Variants in CAP2 observed in about 807,000 individuals in gnomAD.
The protein encoded by CAP2 is cyclase associated actin cytoskeleton regulatory protein 2, also known as adenylyl cyclase-associated protein 2.
In CAP2, 24 loss-of-function variants were observed where a neutral mutation model predicts 57.7. That is an observed-to-expected ratio of 0.42 (90% CI 0.30 to 0.58). The LOEUF is 0.58. CAP2 is among the 20% of genes least tolerant of loss of function. The pLI is 0.22. For missense variants in CAP2, 501 were observed against 590.3 expected, an observed-to-expected ratio of 0.85 and a Z score of 1.57; for synonymous variants, 194 against 207.2, an observed-to-expected ratio of 0.94 and a Z score of 0.55.
At chr6:17,399,435 T>C (rs1053698519) in intron 1 of CAP2, among the ~76,000 whole-genome samples, 2 of 152,226 alleles carry the variant, frequency 1.3e-5, no homozygotes, top group African/African-American at 4.8e-5. Flanking sequence ...TTTCCCACTT[T>C]AGGAAAATAA....
intron 4 of CAP2, among the ~76,000 whole-genome samples, chr6:17,480,809 T>C (rs1761270092): frequency 6.6e-6 from 1 of 150,568 alleles, no homozygotes; most frequent in African/African-American, 2.4e-5. Context: ...GAGTTTGCTC[T>C]TTTTGCCCAG....
chr6:17,492,882 G>A (rs185391599), intron 4 of CAP2, among the ~76,000 whole-genome samples: 1 of 151,916 alleles, frequency 6.6e-6, no homozygotes, highest in Non-Finnish European at 1.5e-5. Context: ...CTTATGTATC[G>A]CAAGTCCCTA....
chr6:17,517,412 A>G (rs1762295956), intron 7 of CAP2, among the ~76,000 whole-genome samples: 1 of 152,252 alleles, frequency 6.6e-6, no homozygotes, highest in South Asian at 2.1e-4. Flanking sequence ...TTACAGAAAA[A>G]TATAAATGTA....
chr6:17,475,772 G>C (rs187033867), intron 4 of CAP2, among the ~76,000 whole-genome samples: 17 of 152,352 alleles, frequency 1.1e-4, no homozygotes, highest in African/African-American at 3.4e-4. Flanking sequence ...GTGGAAAACG[G>C]TACTTTCTTC....
chr6:17,507,342 C>T, intron 5 of CAP2, 30 bp downstream of exon 5: 1 of 1,610,782 alleles, frequency 6.2e-7, no homozygotes, highest in South Asian at 1.1e-5. Context: ...TGCCTCTTCA[C>T]CTCATCACAC....
rs143029298 is a variant in CAP2 at position 17,402,746 on chromosome 6, G to A, written c.-2+9000G>A. The stretch of plus-strand genomic sequence containing the variant: ...GACTTCTACAGCATAAAGTTTATTT[G>A]CATGTCTGTATGACTTGCTTTACTA... On this transcript the variant is annotated intron_variant, in intron 1 of 12. Transcript: ENST00000229922. 5.3e-5 allele frequency among the ~76,000 whole-genome samples: 8 copies of A among 152,264 alleles called. No homozygotes were observed. In the East Asian group the frequency reaches 1.3e-3, roughly 26 times the overall value.
chr6:17,547,207 T>C (rs1763067315), intron 11 of CAP2, among the ~76,000 whole-genome samples: 1 of 152,208 alleles, frequency 6.6e-6, no homozygotes, highest in Non-Finnish European at 1.5e-5. Flanking sequence ...TTATTGTACT[T>C]TATTAGGAGA....
chr6:17,547,557 A>G (rs4712301), intron 11 of CAP2, among the ~76,000 whole-genome samples: 44,816 of 152,146 alleles, frequency 0.29, 7,831 homozygotes, highest in Non-Finnish European at 0.38. Context: ...GAAAGTTCTA[A>G]CTGACCGGGC....
At chr6:17,462,936 A>C in intron 3 of CAP2, 60 bp from the exon 4 acceptor site, 1 of 1,333,802 alleles carries the variant, frequency 7.5e-7, no homozygotes, top group Non-Finnish European at 1.1e-6. Flanking sequence ...TTGCCAGATT[A>C]TATGGTAACA....
In CAP2 at chr6:17,463,192, G is replaced by C. The variant is rs1260971583; in HGVS notation, c.300+119G>C. 3 of 682,678 alleles carry C rather than the reference G, an allele frequency of 4.4e-6. No homozygotes were observed. In the East Asian group the frequency reaches 8.2e-5, roughly 19 times the overall value. 42.3% of individuals were successfully genotyped at this position (682,678 alleles called of 1,614,324 possible). On this transcript the variant is annotated intron_variant, in intron 4 of 12. Coordinates refer to ENST00000229922, the MANE Select transcript of CAP2 (RefSeq NM_006366.3). ...CTCCTAAAAATGAGACTTACAGCAC[G>C]TGTATGTTCTGTCTCTAATCTGGAT... is the stretch of plus-strand genomic sequence containing the variant.
intron 4 of CAP2, among the ~76,000 whole-genome samples, chr6:17,483,239 T>TA (rs1381659680): frequency 6.6e-6 from 1 of 152,274 alleles, no homozygotes; most frequent in African/African-American, 2.4e-5. Flanking sequence ...TCTAAAATCT[T>TA]ACAGATAACA....
intron 7 of CAP2, chr6:17,531,784 A>G (rs563404561): frequency 7.0e-6 from 4 of 574,954 alleles, no homozygotes; most frequent in African/African-American, 3.7e-5. Flanking sequence ...TCCTTTTAGG[A>G]TAAAGATACC....
At chr6:17,428,691 G>A (rs927922956) in intron 3 of CAP2, among the ~76,000 whole-genome samples, 1 of 151,498 alleles carries the variant, frequency 6.6e-6, no homozygotes, top group Non-Finnish European at 1.5e-5. Context: ...GAGTTAGTGG[G>A]TGCAGCGCAC....
intron 1 of CAP2, among the ~76,000 whole-genome samples, chr6:17,400,597 C>T (rs987563560): frequency 1.3e-5 from 2 of 152,096 alleles, no homozygotes; most frequent in African/African-American, 4.8e-5. Context: ...GGCACAGTGG[C>T]TCATGCCTCT....
In CAP2 at chr6:17,438,734, C is replaced by T. The variant is rs1292667926; in HGVS notation, c.222+12044C>T. Reference sequence around the variant, plus strand: ...GATTATAGGTGTGAGCCACCGCACCCGGCCCAGAAGTTTTTTTATGTAGTA... The same window carrying T: ...GATTATAGGTGTGAGCCACCGCACCTGGCCCAGAAGTTTTTTTATGTAGTA... On this transcript the variant is annotated intron_variant, in intron 3 of 12. Coordinates refer to ENST00000229922, the MANE Select transcript of CAP2 (RefSeq NM_006366.3). 1.6e-4 allele frequency among the ~76,000 whole-genome samples: 23 copies of T among 147,322 alleles called. 2 individuals are homozygous for T. The highest frequency in any genetic ancestry group is 4.6e-4 in the African/African-American group (18 of 38,898).
chr6:17,407,543 A>G (rs1211317595), intron 1 of CAP2, among the ~76,000 whole-genome samples: 1 of 151,722 alleles, frequency 6.6e-6, no homozygotes, highest in Non-Finnish European at 1.5e-5. Context: ...TTTGGAGGCC[A>G]AGGCAGGTGG....
chr6:17,408,358 C>G (rs1266905558), intron 1 of CAP2, among the ~76,000 whole-genome samples: 1 of 152,122 alleles, frequency 6.6e-6, no homozygotes, highest in Non-Finnish European at 1.5e-5. Context: ...ATGCCAGCCT[C>G]TTTTTAACAA....
intron 11 of CAP2, 137 bp from the exon 12 acceptor site, chr6:17,551,326 TC>T: frequency 1.6e-6 from 1 of 621,342 alleles, no homozygotes; most frequent in Non-Finnish European, 2.7e-6. Flanking sequence ...TTAACTCACC[TC>T]CCCAGCTTTG....
chr6:17,469,639 G>A (rs764523276), intron 4 of CAP2, among the ~76,000 whole-genome samples: 3 of 151,970 alleles, frequency 2.0e-5, no homozygotes, highest in Non-Finnish European at 4.4e-5. Context: ...CCTCCCTCTC[G>A]TTTTCTTGTC....
Sources: allele counts gnomAD v4.1 joint callset (sites outside exome capture counted in the v4.1 genomes callset), GRCh38; gene constraint gnomAD v4.1.1; transcripts MANE v1.5; gene names NCBI Gene and HGNC (gene_info 2026-07-23, HGNC 2026-07-21).